Variants in DDX39B observed in about 807,000 individuals in gnomAD.
DDX39B encodes spliceosome RNA helicase DDX39B.
Under a neutral mutation model 46.4 loss-of-function variants are expected in DDX39B, and 6 were observed. The observed-to-expected ratio is 0.13, with a 90% CI of 0.07 to 0.26. DDX39B has a LOEUF of 0.26. Ranked by LOEUF, DDX39B falls within the 10% of genes least tolerant of loss-of-function variation. The probability of loss-of-function intolerance (pLI) is 1.00; values close to 1 mark genes in which losing one functional copy is unlikely to be tolerated. For synonymous variants in DDX39B, 174 were observed against 199.4 expected (o/e 0.87, Z 1.07); for missense variants, 185 against 553.4 (o/e 0.33, Z 6.68).
chr6:31,530,554 A>G lies in DDX39B; in HGVS notation c.1271-104T>C. ...ACACTGGTGTACTGCCTGGGTTCAG[A>G]GGACGGACGTGGGGGTGAGGGAAGG... On this transcript the variant is annotated intron_variant, in intron 10 of 10. Coordinates refer to ENST00000396172, the MANE Select transcript of DDX39B (RefSeq NM_004640.7). The surrounding 1 kb of genome is among the most constrained non-coding windows in gnomAD (Gnocchi z 4.5). 2.6e-6 allele frequency: 4 copies of G among 1,512,892 alleles called. No homozygotes were observed. The highest frequency in any genetic ancestry group is 3.7e-6 in the Non-Finnish European group (4 of 1,095,022). The allele number at this position is 1,512,892 out of a possible 1,614,324, so 93.7% of individuals were successfully genotyped here. A position where few individuals can be genotyped will look rare whatever the true frequency, so the allele number is the denominator to read the frequency against.
At position 31,535,236 on chromosome 6, in the gene DDX39B, G is replaced by T; in HGVS notation, c.735+131C>A. 1.2e-6 allele frequency: 1 copy of T among 831,642 alleles called. No individual in the cohort carries two copies. The highest frequency in any genetic ancestry group is 2.1e-6 in the Non-Finnish European group (1 of 486,728). 51.5% of individuals were successfully genotyped at this position (831,642 alleles called of 1,614,324 possible). A position where few individuals can be genotyped will look rare whatever the true frequency, so the allele number is the denominator to read the frequency against. On this transcript the variant is annotated intron_variant, in intron 6 of 10. Transcript: ENST00000396172. The surrounding 1 kb of genome is among the most constrained non-coding windows in gnomAD (Gnocchi z 4.6). ...CTGCTTCTGTATGTCTCTTCAAGGA[G>T]TCATTACTCCCAGTTGGGCACAAGC...
At position 31,534,276 on chromosome 6, in the gene DDX39B, A is replaced by C; in HGVS notation, c.735+1091T>G. On this transcript the variant is annotated intron_variant, in intron 6 of 10. Transcript: ENST00000396172. This position sits in a 1 kb window ranked among gnomAD's most constrained non-coding sequence, Gnocchi z 5.1. ...TGGCCTCCCAAAGTGCTGGGATTAGAGGTGAGCCACCAGGCCCAGCCAAGG... is the reference window on the plus strand; with the variant it reads ...TGGCCTCCCAAAGTGCTGGGATTAGCGGTGAGCCACCAGGCCCAGCCAAGG... 3.2e-6 allele frequency: 1 copy of C among 315,908 alleles called. No homozygotes were observed. The highest frequency in any genetic ancestry group is 2.8e-5 in the South Asian group (1 of 35,628). 19.6% of individuals were successfully genotyped at this position (315,908 alleles called of 1,614,324 possible). A position where few individuals can be genotyped will look rare whatever the true frequency, so the allele number is the denominator to read the frequency against.
At chr6:31,541,044 A>G in intron 1 of DDX39B, 1 of 518,012 alleles carries the variant, frequency 1.9e-6, no homozygotes, top group Non-Finnish European at 4.0e-6. Context: ...AAAAGTCCTC[A>G]AAGGAAGACT....
chr6:31,538,166 T>C (rs1192749136), intron 4 of DDX39B, among the ~76,000 whole-genome samples: 1 of 152,218 alleles, frequency 6.6e-6, no homozygotes, highest in African/African-American at 2.4e-5. Flanking sequence ...ATTTTTTCTT[T>C]TTTTTTGAGA....
chr6:31,532,956 G>T, intron 6 of DDX39B, 45 bp from the exon 7 acceptor site: 1 of 313,216 alleles, frequency 3.2e-6, no homozygotes, highest in East Asian at 1.4e-4. Context: ...GGGCAGAGTG[G>T]GGGGGTTAAA....
intron 1 of DDX39B, 65 bp from the exon 2 acceptor site, chr6:31,540,729 T>A: frequency 1.7e-6 from 1 of 589,710 alleles, no homozygotes; most frequent in Non-Finnish European, 3.0e-6. Flanking sequence ...CTCTTTTCCA[T>A]CCCCAGTTCC....
chr6:31,541,699 A>T (rs1021362427), intron 1 of DDX39B: 9 of 540,434 alleles, frequency 1.7e-5, no homozygotes. Flanking sequence ...AGAAGAACCC[A>T]TTGGAAGAAG....
In DDX39B at chr6:31,534,324, C is replaced by T. The variant is rs1414150595; in HGVS notation, c.735+1043G>A. 1 of 340,452 alleles carries T rather than the reference C, an allele frequency of 2.9e-6. No individual in the cohort carries two copies. Among genetic ancestry groups the T allele is most frequent in the Non-Finnish European group, 6.1e-6 (1 of 163,414 alleles). 21.1% of individuals were successfully genotyped at this position (340,452 alleles called of 1,614,324 possible). A position where few individuals can be genotyped will look rare whatever the true frequency, so the allele number is the denominator to read the frequency against. ...AGGCAGGCTTTCTAAAGAGAAGTTC[C>T]ATGGCCTCCTTCAAATCTCATTCTA... On this transcript the variant is annotated intron_variant, in intron 6 of 10. Transcript: ENST00000396172. The surrounding 1 kb of genome is among the most constrained non-coding windows in gnomAD (Gnocchi z 5.1).
At chr6:31,533,403 C>T (rs1470035443) in intron 6 of DDX39B, 3 of 162,844 alleles carry the variant, frequency 1.8e-5, no homozygotes, top group African/African-American at 7.2e-5. Context: ...CTAAGAGAAT[C>T]TCGTGTGCAT....
chr6:31,532,931 T>A lies in DDX39B; in HGVS notation c.736-20A>T, dbSNP rs1007256310. ...CATTGGCTGGGGGGGAGGAAGGGGG[T>A]GGGGAACGGGAGGAGGGCAGAGTGG... On this transcript the variant is annotated intron_variant, in intron 6 of 10. Transcript: ENST00000396172. 2 of 252,602 alleles carry A rather than the reference T, an allele frequency of 7.9e-6. No homozygotes were observed. The highest frequency in any genetic ancestry group is 5.2e-5 in the Admixed American group (1 of 19,114). The allele number at this position is 252,602 out of a possible 1,614,324, so 15.6% of individuals were successfully genotyped here. A position where few individuals can be genotyped will look rare whatever the true frequency, so the allele number is the denominator to read the frequency against.
rs1205085769 is a variant in DDX39B at position 31,530,976 on chromosome 6, C to T, written c.1123-50G>A. On this transcript the variant is annotated intron_variant, in intron 9 of 10. Transcript: ENST00000396172. The surrounding 1 kb of genome is among the most constrained non-coding windows in gnomAD (Gnocchi z 4.5). ...TGGAAGACCGAAGAGGAAAGAGACC[C>T]AGAGGCAGGAATGAAGATGTACAAA... 6.2e-7 allele frequency: 1 copy of T among 1,613,488 alleles called. No homozygotes were observed.
At chr6:31,541,904 G>A (rs998529216) in intron 1 of DDX39B, 46 bp downstream of exon 1, 11 of 636,644 alleles carry the variant, frequency 1.7e-5, no homozygotes, top group Non-Finnish European at 2.9e-5. Flanking sequence ...GGATGGGTGC[G>A]GAGAAGCGCA....
Position 31,535,083 on chromosome 6 carries a change from C to A in DDX39B, c.735+284G>T. 1 of 479,760 alleles carries A rather than the reference C, an allele frequency of 2.1e-6. No homozygotes were observed. Among genetic ancestry groups the A allele is most frequent in the Non-Finnish European group, 3.8e-6 (1 of 261,906 alleles). 29.7% of individuals were successfully genotyped at this position (479,760 alleles called of 1,614,324 possible). A position where few individuals can be genotyped will look rare whatever the true frequency, so the allele number is the denominator to read the frequency against. The stretch of plus-strand genomic sequence containing the variant: ...AGGGCAGAAAAATCCTGCCCTCCCC[C>A]AAAGGGAGAAGAGGTTCAAAAATGT... On this transcript the variant is annotated intron_variant, in intron 6 of 10. Transcript: ENST00000396172. The surrounding 1 kb of genome is among the most constrained non-coding windows in gnomAD (Gnocchi z 4.6).
In DDX39B at chr6:31,530,597, G is replaced by A. The variant is rs1275947622; in HGVS notation, c.1271-147C>T. On this transcript the variant is annotated intron_variant, in intron 10 of 10. Transcript: ENST00000396172. This position sits in a 1 kb window ranked among gnomAD's most constrained non-coding sequence, Gnocchi z 4.5. ...AGGGAAGGGATGTAATATGATGAGA[G>A]AAGACAAGACACCCCACATAAAGGT... The A allele has an allele frequency of 3.3e-6, 4 of 1,194,190 alleles. No homozygotes were observed. Among genetic ancestry groups the A allele is most frequent in the East Asian group, 5.3e-5 (2 of 37,682 alleles). The allele number at this position is 1,194,190 out of a possible 1,614,324, so 74.0% of individuals were successfully genotyped here.
chr6:31,541,571 G>C (rs1045455952), intron 1 of DDX39B: 3 of 460,452 alleles, frequency 6.5e-6, no homozygotes, highest in African/African-American at 6.1e-5. Context: ...GTCCCACCGA[G>C]GGCCGAGAAA....
chr6:31,531,451 T>C lies in DDX39B; in HGVS notation c.868-46A>G. 1 of 1,561,558 alleles carries C rather than the reference T, an allele frequency of 6.4e-7. No homozygotes were observed. Among genetic ancestry groups the C allele is most frequent in the Non-Finnish European group, 8.8e-7 (1 of 1,133,022 alleles). ...GGGTCGCAAATTGGGGGAATAGGGG[T>C]CCATGGTGTGTGAGAGACATTACGT... is the stretch of plus-strand genomic sequence containing the variant. On this transcript the variant is annotated intron_variant, in intron 7 of 10. Transcript: ENST00000396172. This position sits in a 1 kb window ranked among gnomAD's most constrained non-coding sequence, Gnocchi z 5.8.
At chr6:31,536,418 G>C in intron 5 of DDX39B, 82 bp downstream of exon 5, 1 of 1,591,982 alleles carries the variant, frequency 6.3e-7, no homozygotes, top group South Asian at 1.1e-5. Context: ...CTTGCACTGA[G>C]GTGCTCCTGT....
Position 31,531,598 on chromosome 6 carries a change from A to C in DDX39B, c.868-193T>G. On this transcript the variant is annotated intron_variant, in intron 7 of 10. Coordinates refer to ENST00000396172, the MANE Select transcript of DDX39B (RefSeq NM_004640.7). This position sits in a 1 kb window ranked among gnomAD's most constrained non-coding sequence, Gnocchi z 5.8. ...TTTACTTCAGCACTGATTTTTCCCT[A>C]AGGAAGCTGGCCTCTGAGGTAGCAC... 1 of 601,040 alleles carries C rather than the reference A, an allele frequency of 1.7e-6. No individual in the cohort carries two copies. 37.2% of individuals were successfully genotyped at this position (601,040 alleles called of 1,614,324 possible). A position where few individuals can be genotyped will look rare whatever the true frequency, so the allele number is the denominator to read the frequency against.
rs375215990 is a variant in DDX39B at position 31,540,441 on chromosome 6, G to A, written c.92C>T (p.Ala31Val). 5 of 1,614,144 alleles carry A rather than the reference G, an allele frequency of 3.1e-6. No homozygotes were observed. The highest frequency in any genetic ancestry group is 4.2e-6 in the Non-Finnish European group (5 of 1,180,030). The change falls in exon 2 of 11, where the codon GCC becomes GTC. Residue 31 changes from alanine (A) to valine (V), a missense_variant. Physicochemically the swap from Ala to Val is moderately conservative, Grantham distance 64. Coordinates refer to ENST00000396172, the MANE Select transcript of DDX39B (RefSeq NM_004640.7). ...ATAGGAGCCCTTGACATCCTTCTTGGCAGGGGCCTCAGCCCCATCTCCCCC... is the reference window on the plus strand; with the variant it reads ...ATAGGAGCCCTTGACATCCTTCTTGACAGGGGCCTCAGCCCCATCTCCCCC... ...AAGGDGAEAP[A>V]KKDVKGSYVS... is the part of the protein sequence containing the mutation.
Sources: allele counts gnomAD v4.1 joint callset (sites outside exome capture counted in the v4.1 genomes callset), GRCh38; gene constraint gnomAD v4.1.1; non-coding constraint Gnocchi (gnomAD v3.1); transcripts MANE v1.5; gene names NCBI Gene and HGNC (gene_info 2026-07-23, HGNC 2026-07-21).